The following SPHKAP variants were observed in gnomAD, a reference collection of about 807,000 sequenced individuals.
SPHKAP encodes A-kinase anchor protein SPHKAP.
Under a neutral mutation model 137.5 loss-of-function variants are expected in SPHKAP, and 67 were observed. The observed-to-expected ratio is 0.49, with a 90% CI of 0.40 to 0.60. SPHKAP has a LOEUF of 0.60. Among genes scored for constraint, SPHKAP ranks in the 20% least tolerant of loss-of-function variants. The pLI is 0.00. For missense variants in SPHKAP, 2,097 were observed against 2,069.3 expected (o/e 1.01, Z -0.26); for synonymous variants, 813 against 785.3 (o/e 1.04, Z -0.59).
chr2:227,998,335 T>A (rs560458025), intron 7 of SPHKAP, among the ~76,000 whole-genome samples: 2 of 152,288 alleles, frequency 1.3e-5, no homozygotes, highest in South Asian at 4.1e-4. Context: ...AATTCAGGTA[T>A]GAGTGCCCTT....
rs1352638330 is a variant in SPHKAP at position 227,993,610 on chromosome 2, T to TA, written c.4644_4645insT (p.Ser1549Ter). On this transcript the variant is annotated frameshift_variant, in exon 9 of 12. Transcript: ENST00000392056. LOFTEE classifies it high-confidence loss of function. ...ATGCCAAGACTGCTAGTGGCACTAC[T>TA]GTTGCCATTGCTGACAAAGCAAAAG... is the stretch of plus-strand genomic sequence containing the variant. 6.3e-7 allele frequency: 1 copy of TA among 1,594,014 alleles called. No individual in the cohort carries two copies. Among genetic ancestry groups the TA allele is most frequent in the Non-Finnish European group, 8.5e-7 (1 of 1,169,784 alleles).
intron 1 of SPHKAP, among the ~76,000 whole-genome samples, chr2:228,172,684 C>A (rs1338009810): frequency 6.6e-6 from 1 of 152,138 alleles, no homozygotes; most frequent in Non-Finnish European, 1.5e-5. Context: ...GACCACAAAG[C>A]CTTATTTACA....
At position 228,062,187 on chromosome 2, in the gene SPHKAP, A is replaced by T. The variant is rs564826484; in HGVS notation, c.247-34644T>A. On this transcript the variant is annotated intron_variant, in intron 3 of 11. Coordinates refer to ENST00000392056, the MANE Select transcript of SPHKAP (RefSeq NM_001142644.2). ...TTTTAATTTTTCTTTTTTTTTTTTTAAATCTTGTCTCATTGCAACCTCTGA... is the reference window on the plus strand; with the variant it reads ...TTTTAATTTTTCTTTTTTTTTTTTTTAATCTTGTCTCATTGCAACCTCTGA... Among the ~76,000 whole-genome samples the T allele has an allele frequency of 3.3e-3, 480 of 147,628 alleles. 3 individuals carry two copies. Among genetic ancestry groups the T allele is most frequent in the South Asian group, 0.011 (50 of 4,676 alleles).
chr2:228,042,543 A>C (rs979805830), intron 3 of SPHKAP, among the ~76,000 whole-genome samples: 2 of 152,086 alleles, frequency 1.3e-5, no homozygotes, highest in African/African-American at 4.8e-5. Context: ...GCAACTATTA[A>C]TCTACTTTAT....
At chr2:228,129,792 T>G (rs796967681) in intron 2 of SPHKAP, among the ~76,000 whole-genome samples, 16 of 151,148 alleles carry the variant, frequency 1.1e-4, no homozygotes, top group African/African-American at 3.9e-4. Flanking sequence ...TAGTTTTAAT[T>G]TTTTTCTTTT....
intron 3 of SPHKAP, among the ~76,000 whole-genome samples, chr2:228,032,326 T>C (rs1478677312): frequency 2.6e-5 from 4 of 151,700 alleles, no homozygotes; most frequent in Non-Finnish European, 4.4e-5. Context: ...AAGGGAAGAT[T>C]AGAGAAAAAA....
At chr2:228,167,151 C>T (rs185268150) in intron 1 of SPHKAP, among the ~76,000 whole-genome samples, 68 of 152,274 alleles carry the variant, frequency 4.5e-4, no homozygotes, top group South Asian at 8.3e-4. Context: ...GGACATACAT[C>T]CAAACTATAT....
intron 3 of SPHKAP, among the ~76,000 whole-genome samples, chr2:228,030,733 T>TG (rs1695277480): frequency 1.3e-5 from 2 of 151,708 alleles, no homozygotes; most frequent in South Asian, 4.2e-4. Context: ...AATATTTTTT[T>TG]TTTTTTACAT....
rs755419194 is a variant in SPHKAP, at chr2:228,019,621, C to T, written c.1233G>A (p.Gln411=). 72 of 1,613,958 alleles carry T rather than the reference C, an allele frequency of 4.5e-5. No homozygotes were observed. Among genetic ancestry groups the T allele is most frequent in the Non-Finnish European group, 5.8e-5 (69 of 1,179,984 alleles). The change falls in exon 7 of 12, where the codon CAG becomes CAA. Residue 411 remains glutamine (Q), a synonymous_variant. Transcript: ENST00000392056. ...QDAFIRLSQS[Q]STLPQESAVS... is the part of the protein sequence containing the mutation. ...CTGCAGATTCCTGGGGTAATGTGGA[C>T]TGAGATTGAGATAATCTAATAAATG...
chr2:228,148,756 A>T (rs552579494), intron 1 of SPHKAP, among the ~76,000 whole-genome samples: 1 of 152,272 alleles, frequency 6.6e-6, no homozygotes, highest in East Asian at 1.9e-4. Flanking sequence ...CCACACCCAC[A>T]ATAAGGGAGT....
At chr2:228,072,372 C>T (rs1260423620) in intron 3 of SPHKAP, among the ~76,000 whole-genome samples, 5 of 151,490 alleles carry the variant, frequency 3.3e-5, no homozygotes, top group East Asian at 1.9e-4. Context: ...TTTTTTAATA[C>T]GAAAAATTCA....
intron 9 of SPHKAP, among the ~76,000 whole-genome samples, chr2:227,992,985 T>G (rs1693472268): frequency 6.6e-6 from 1 of 152,174 alleles, no homozygotes; most frequent in African/African-American, 2.4e-5. Context: ...ATGTATGTAC[T>G]TCCTAAAAGT....
intron 1 of SPHKAP, among the ~76,000 whole-genome samples, chr2:228,140,880 C>T (rs1226962877): frequency 6.6e-6 from 1 of 152,126 alleles, no homozygotes; most frequent in East Asian, 1.9e-4. Context: ...TTATAAGCTT[C>T]CAGAGGCCTC....
chr2:228,078,408 C>A (rs1166821109), intron 3 of SPHKAP, among the ~76,000 whole-genome samples: 2 of 141,264 alleles, frequency 1.4e-5, no homozygotes, highest in Non-Finnish European at 1.5e-5. Flanking sequence ...TTGTAAGGGA[C>A]CATGTAGTAA....
chr2:228,070,962 G>T (rs1045182542), intron 3 of SPHKAP, among the ~76,000 whole-genome samples: 1 of 152,150 alleles, frequency 6.6e-6, no homozygotes, highest in African/African-American at 2.4e-5. Flanking sequence ...CCTGGGCATT[G>T]TTCAGTATCA....
intron 1 of SPHKAP, among the ~76,000 whole-genome samples, chr2:228,134,205 C>T (rs4973617): frequency 0.16 from 18,120 of 114,124 alleles, 1,121 homozygotes; most frequent in African/African-American, 0.19. Context: ...AGGGAGGGAG[C>T]GAGGAAGGAA....
chr2:228,141,483 A>G (rs1699605790), intron 1 of SPHKAP, among the ~76,000 whole-genome samples: 1 of 152,202 alleles, frequency 6.6e-6, no homozygotes, highest in African/African-American at 2.4e-5. Flanking sequence ...CATATTCAAC[A>G]TTAATATATG....
chr2:228,092,431 G>A (rs1559169238), intron 3 of SPHKAP, among the ~76,000 whole-genome samples: 1 of 116,492 alleles, frequency 8.6e-6, no homozygotes, highest in African/African-American at 3.5e-5. Flanking sequence ...ATACATATAT[G>A]TATATATGTG....
At chr2:228,135,274 CAA>C (rs11435994) in intron 1 of SPHKAP, among the ~76,000 whole-genome samples, 7 of 95,434 alleles carry the variant, frequency 7.3e-5, no homozygotes, top group African/African-American at 1.7e-4. Flanking sequence ...AACTCTGTCT[CAA>C]AAAAAAAAAA....
Sources: allele counts gnomAD v4.1 joint callset (sites outside exome capture counted in the v4.1 genomes callset), GRCh38; gene constraint gnomAD v4.1.1; transcripts MANE v1.5; gene names NCBI Gene and HGNC (gene_info 2026-07-23, HGNC 2026-07-21).